The following RAD54B variants were observed in gnomAD, a reference collection of about 807,000 sequenced individuals.
RAD54B encodes the protein RAD54 homolog B, also known as DNA repair and recombination protein RAD54B.
Under a neutral mutation model 95.8 loss-of-function variants are expected in RAD54B, and 78 were observed. The observed-to-expected ratio is 0.81, with a 90% CI of 0.68 to 0.98. The LOEUF is 0.98. Ranked by LOEUF, RAD54B falls within the 50% of genes least tolerant of loss-of-function variation. The pLI is 0.00. For synonymous variants in RAD54B, 328 were observed against 354.9 expected, an observed-to-expected ratio of 0.92 and a Z score of 0.85; for missense variants, 957 against 1,056.6, an observed-to-expected ratio of 0.91 and a Z score of 1.31.
chr8:94,377,975 CAAAAAAA>C (rs59955111), intron 14 of RAD54B, among the ~76,000 whole-genome samples, 198 bp downstream of exon 14: 1 of 77,154 alleles, frequency 1.3e-5, no homozygotes, highest in Admixed American at 1.7e-4. Flanking sequence ...GACTCCGTCT[CAAAAAAA>C]AAAAAAAAAA....
intron 3 of RAD54B, among the ~76,000 whole-genome samples, chr8:94,421,977 G>A (rs1811816656): frequency 6.6e-6 from 1 of 152,114 alleles, no homozygotes; most frequent in South Asian, 2.1e-4. Context: ...TAATCTTGAA[G>A]GAAGTATGCT....
intron 3 of RAD54B, 56 bp downstream of exon 3, chr8:94,458,212 G>T: frequency 1.4e-6 from 2 of 1,404,866 alleles, no homozygotes; most frequent in South Asian, 1.4e-5. Flanking sequence ...ATCATTTAAA[G>T]AATACTGTAA....
chr8:94,407,101 C>T (rs993767803), intron 5 of RAD54B, among the ~76,000 whole-genome samples: 1 of 152,116 alleles, frequency 6.6e-6, no homozygotes, highest in Non-Finnish European at 1.5e-5. Flanking sequence ...CAGATTAATA[C>T]ATTTACTAAT....
intron 3 of RAD54B, among the ~76,000 whole-genome samples, chr8:94,416,197 T>G (rs1375430560): frequency 6.6e-6 from 1 of 151,454 alleles, no homozygotes; most frequent in Non-Finnish European, 1.5e-5. Context: ...TAAAAAATGA[T>G]GAGTTCATGT....
intron 10 of RAD54B, chr8:94,387,454 AGAAAG>A: frequency 4.6e-6 from 1 of 217,630 alleles, no homozygotes; most frequent in Non-Finnish European, 9.0e-6. Context: ...GAGCAGACAA[AGAAAG>A]GAGAGAGAAA....
At chr8:94,464,547 T>C (rs1812979967) in intron 2 of RAD54B, among the ~76,000 whole-genome samples, 1 of 152,214 alleles carries the variant, frequency 6.6e-6, no homozygotes, top group South Asian at 2.1e-4. Flanking sequence ...AAAACTGATA[T>C]TTCAGCAATA....
At chr8:94,422,614 AAAAATATATATATATATATATAT>A in intron 3 of RAD54B, among the ~76,000 whole-genome samples, 4 of 88,464 alleles carry the variant, frequency 4.5e-5, no homozygotes, top group African/African-American at 7.5e-5. Flanking sequence ...AAAAAAAAAA[AAAAATATATATATATATATATAT>A]ATATATATAT....
chr8:94,382,872 G>A (rs1159285557), intron 11 of RAD54B, among the ~76,000 whole-genome samples: 2 of 152,190 alleles, frequency 1.3e-5, no homozygotes, highest in African/African-American at 4.8e-5. Context: ...ATGATTATAA[G>A]TTTCCTGAGG....
intron 4 of RAD54B, among the ~76,000 whole-genome samples, chr8:94,410,296 A>G (rs1369565066): frequency 6.6e-6 from 1 of 152,150 alleles, no homozygotes; most frequent in Non-Finnish European, 1.5e-5. Context: ...GGCAGATTAA[A>G]TGGTTCTTTT....
At chr8:94,419,032 T>A (rs930826121) in intron 3 of RAD54B, among the ~76,000 whole-genome samples, 6 of 152,070 alleles carry the variant, frequency 3.9e-5, no homozygotes, top group Admixed American at 1.3e-4. Context: ...ACACTACACT[T>A]AAAGAAGGTA....
At chr8:94,433,387 C>T (rs531907235) in intron 3 of RAD54B, among the ~76,000 whole-genome samples, 3 of 151,968 alleles carry the variant, frequency 2.0e-5, no homozygotes, top group African/African-American at 7.2e-5. Flanking sequence ...ATACTCAGTA[C>T]CTAGCAGGTA....
Position 94,377,545 on chromosome 8 carries a change from GAAAAAAAAAAAAAAAAAAAAA to G in RAD54B, c.2515+614_2515+634del, listed in dbSNP as rs71273330. Among the ~76,000 whole-genome samples, 38 of 70,582 alleles carry G rather than the reference GAAAAAAAAAAAAAAAAAAAAA, an allele frequency of 5.4e-4. 1 individual carries two copies. The highest frequency in any genetic ancestry group is 1.9e-3 in the African/African-American group (26 of 13,912). The allele number at this position is 70,582 out of a possible 152,430, so 46.3% of individuals were successfully genotyped here. On this transcript the variant is annotated intron_variant, in intron 14 of 14. Transcript: ENST00000336148. ...AGCAACAGAGCCAGACCCTGTCTTG[GAAAAAAAAAAAAAAAAAAAAA>G]AAAAAAAAAAAAAAACTCTAACTCC...
At chr8:94,410,211 C>T (rs1372785715) in intron 4 of RAD54B, among the ~76,000 whole-genome samples, 4 of 152,266 alleles carry the variant, frequency 2.6e-5, no homozygotes, top group East Asian at 1.9e-4. Flanking sequence ...GTATCTTAAA[C>T]GGTAACTCCT....
At chr8:94,383,187 A>G (rs1397618255) in intron 11 of RAD54B, among the ~76,000 whole-genome samples, 1 of 151,470 alleles carries the variant, frequency 6.6e-6, no homozygotes, top group Non-Finnish European at 1.5e-5. Flanking sequence ...CGAGAGGCCA[A>G]AGCACGAGAA....
At chr8:94,474,239 G>C (rs971011855) in intron 1 of RAD54B, among the ~76,000 whole-genome samples, 1 of 152,120 alleles carries the variant, frequency 6.6e-6, no homozygotes, top group Non-Finnish European at 1.5e-5. Context: ...GAGGAGCAAG[G>C]GTTCAAAAAC....
chr8:94,374,079 A>G (rs1354572146), intron 14 of RAD54B, among the ~76,000 whole-genome samples: 3 of 152,184 alleles, frequency 2.0e-5, no homozygotes, highest in Non-Finnish European at 1.5e-5. Flanking sequence ...GGTGATCGAG[A>G]CCATCCTGGC....
chr8:94,444,981 T>G (rs1586028860), intron 3 of RAD54B, among the ~76,000 whole-genome samples: 1 of 152,216 alleles, frequency 6.6e-6, no homozygotes, highest in Non-Finnish European at 1.5e-5. Flanking sequence ...CAGGCACACC[T>G]GACCCACTCA....
intron 10 of RAD54B, among the ~76,000 whole-genome samples, chr8:94,391,169 T>C (rs1811007824): frequency 6.6e-6 from 1 of 152,106 alleles, no homozygotes; most frequent in Admixed American, 6.6e-5. Context: ...TTTATTTTCT[T>C]TGTGATTTTC....
chr8:94,430,310 CAA>C (rs60634729), intron 3 of RAD54B: 62,569 of 842,372 alleles, frequency 0.074, 245 homozygotes, highest in African/African-American at 0.08. Flanking sequence ...GACTCCATCT[CAA>C]AAAAAAAAAA....
Sources: gnomAD v4.1 joint callset for allele counts (sites outside exome capture counted in the v4.1 genomes callset) on GRCh38, gnomAD v4.1.1 for gene constraint, MANE v1.5 for transcripts, NCBI Gene and HGNC (gene_info 2026-07-23, HGNC 2026-07-21) for gene names.